PDE4B: variants seen among roughly 807,000 people sequenced by gnomAD.
PDE4B encodes the protein phosphodiesterase 4B.
A neutral mutation model predicts 82.2 loss-of-function variants in PDE4B; 20 were observed. The observed-to-expected ratio is 0.24, with a 90% CI of 0.17 to 0.35. PDE4B has a LOEUF of 0.35. Ranked by LOEUF, PDE4B falls within the 10% of genes least tolerant of loss-of-function variation. The probability of loss-of-function intolerance (pLI) is 1.00; values close to 1 mark genes in which losing one functional copy is unlikely to be tolerated. For missense variants in PDE4B, 655 were observed against 907.2 expected, an observed-to-expected ratio of 0.72 and a Z score of 3.57; for synonymous variants, 320 against 318.9, an observed-to-expected ratio of 1.00 and a Z score of -0.04.
At chr1:66,015,038 T>A (rs746097823) in intron 3 of PDE4B, among the ~76,000 whole-genome samples, 1 of 152,088 alleles carries the variant, frequency 6.6e-6, no homozygotes, top group Non-Finnish European at 1.5e-5. Flanking sequence ...TGGTAGTTGG[T>A]TTTTTAAAGA....
At chr1:65,931,456 C>A (rs1169029817) in intron 3 of PDE4B, among the ~76,000 whole-genome samples, 3 of 152,118 alleles carry the variant, frequency 2.0e-5, no homozygotes, top group African/African-American at 7.2e-5. Flanking sequence ...ACAAGAAACA[C>A]CTCTCCTTGA....
chr1:66,203,325 C>T (rs1649193255), intron 3 of PDE4B, among the ~76,000 whole-genome samples: 1 of 152,024 alleles, frequency 6.6e-6, no homozygotes, highest in Non-Finnish European at 1.5e-5. Context: ...AATTATATGT[C>T]TTGGAGTTGC....
At chr1:65,803,404 G>A (rs1256332033) in intron 1 of PDE4B, among the ~76,000 whole-genome samples, 2 of 152,180 alleles carry the variant, frequency 1.3e-5, no homozygotes, top group Admixed American at 6.5e-5. Flanking sequence ...GATGATGGGT[G>A]ATCATTTCCA....
chr1:65,870,924 A>C (rs1185757232), intron 1 of PDE4B, among the ~76,000 whole-genome samples: 1 of 152,178 alleles, frequency 6.6e-6, no homozygotes, highest in East Asian at 1.9e-4. Flanking sequence ...AGAGTATCTG[A>C]GTCAAGAGAG....
intron 1 of PDE4B, among the ~76,000 whole-genome samples, chr1:65,875,502 A>G (rs375771736): frequency 1.8e-4 from 26 of 144,550 alleles, no homozygotes; most frequent in Admixed American, 3.5e-4. Context: ...ACATGCACAC[A>G]TATGTTTATT....
At chr1:66,330,648 T>G (rs1660038502) in intron 7 of PDE4B, 1 of 382,980 alleles carries the variant, frequency 2.6e-6, no homozygotes, top group Non-Finnish European at 3.6e-6. Context: ...TGGTTGGACT[T>G]TTTCCTTTAT....
intron 3 of PDE4B, among the ~76,000 whole-genome samples, chr1:66,092,550 C>A (rs926224379): frequency 6.6e-6 from 1 of 151,882 alleles, no homozygotes; most frequent in Non-Finnish European, 1.5e-5. Context: ...CTTGAAAATT[C>A]AAAATGTTTA....
intron 1 of PDE4B, among the ~76,000 whole-genome samples, chr1:65,881,941 T>G (rs569437510): frequency 6.6e-6 from 1 of 152,332 alleles, no homozygotes; most frequent in African/African-American, 2.4e-5. Flanking sequence ...TTTGATCTAA[T>G]AAGTGCTTTC....
Position 66,243,181 on chromosome 1 carries a change from C to T in PDE4B, c.282-4279C>T, listed in dbSNP as rs188101084. Among the ~76,000 whole-genome samples, 476 of 152,052 alleles carry T rather than the reference C, an allele frequency of 3.1e-3. 1 individual carries two copies. Among genetic ancestry groups the T allele is most frequent in the Non-Finnish European group, 5.3e-3 (359 of 68,014 alleles). On this transcript the variant is annotated intron_variant, in intron 3 of 16. Coordinates refer to ENST00000341517, the MANE Select transcript of PDE4B (RefSeq NM_002600.4). Reference sequence around the variant, plus strand: ...TATTTAGATCACTGTCTCACAAGGCCGAACAAATAAATTAATGACACATCT... The same window carrying T: ...TATTTAGATCACTGTCTCACAAGGCTGAACAAATAAATTAATGACACATCT...
intron 3 of PDE4B, among the ~76,000 whole-genome samples, chr1:66,214,540 T>A (rs895536344): frequency 6.6e-6 from 1 of 152,218 alleles, no homozygotes; most frequent in African/African-American, 2.4e-5. Context: ...ATCTCAGAAG[T>A]ATGTGTTGAA....
At chr1:66,345,511 T>C (rs1661328430) in intron 8 of PDE4B, among the ~76,000 whole-genome samples, 2 of 152,336 alleles carry the variant, frequency 1.3e-5, no homozygotes, top group South Asian at 4.1e-4. Flanking sequence ...TTCATTAGAC[T>C]GTAAAGTTAC....
chr1:65,813,316 C>T (rs6679537), intron 1 of PDE4B, among the ~76,000 whole-genome samples: 5,094 of 152,170 alleles, frequency 0.033, 201 homozygotes, highest in African/African-American at 0.096. Flanking sequence ...ATGCAAGTTA[C>T]TATTTTAATT....
intron 1 of PDE4B, among the ~76,000 whole-genome samples, chr1:65,802,961 T>A (rs1645712198): frequency 6.6e-6 from 1 of 152,172 alleles, no homozygotes; most frequent in African/African-American, 2.4e-5. Flanking sequence ...ATTATTTATT[T>A]ATAAAATGTA....
chr1:65,885,553 C>T (rs1036404671), intron 1 of PDE4B, among the ~76,000 whole-genome samples: 9 of 152,142 alleles, frequency 5.9e-5, no homozygotes, highest in East Asian at 1.9e-4. Context: ...GAGTTCACGT[C>T]CTTTGTAGGG....
In PDE4B at chr1:66,247,367, G is replaced by A. The variant is rs11804879; in HGVS notation, c.282-93G>A. The A allele has an allele frequency of 0.021, 15,876 of 763,696 alleles. 1,453 individuals carry two copies. In the African/African-American group the frequency reaches 0.22, roughly 11 times the overall value. The allele number at this position is 763,696 out of a possible 1,614,324, so 47.3% of individuals were successfully genotyped here. A position where few individuals can be genotyped will look rare whatever the true frequency, so the allele number is the denominator to read the frequency against. ...TACAGTTTTATGTAAAATGCTTAGT[G>A]TATAGTACCTGCCACACGTTGGTTC... On this transcript the variant is annotated intron_variant, in intron 3 of 16. Transcript: ENST00000341517.
chr1:66,214,806 T>C (rs1354724826), intron 3 of PDE4B, among the ~76,000 whole-genome samples: 2 of 152,150 alleles, frequency 1.3e-5, no homozygotes, highest in Admixed American at 6.5e-5. Flanking sequence ...ATGTTTATTA[T>C]GACAAATTCA....
chr1:66,356,612 A>G (rs536003416), intron 9 of PDE4B, among the ~76,000 whole-genome samples: 4 of 152,282 alleles, frequency 2.6e-5, no homozygotes, highest in Non-Finnish European at 5.9e-5. Context: ...ATCAATGAGC[A>G]TTTTCCTTGA....
At chr1:66,298,189 A>T (rs1442420039) in intron 7 of PDE4B, among the ~76,000 whole-genome samples, 2 of 152,188 alleles carry the variant, frequency 1.3e-5, no homozygotes, top group East Asian at 1.9e-4. Flanking sequence ...CAAGTTGAAG[A>T]TTACTCCAAA....
At chr1:66,236,938 T>A (rs1436917964) in intron 3 of PDE4B, among the ~76,000 whole-genome samples, 1 of 152,186 alleles carries the variant, frequency 6.6e-6, no homozygotes, top group African/African-American at 2.4e-5. Flanking sequence ...AATTTTCACG[T>A]CTATAAAAAC....
Sources: allele counts gnomAD v4.1 joint callset (sites outside exome capture counted in the v4.1 genomes callset), GRCh38; gene constraint gnomAD v4.1.1; transcripts MANE v1.5; gene names NCBI Gene and HGNC (gene_info 2026-07-23, HGNC 2026-07-21).